METAP1: variants seen among roughly 807,000 people sequenced by gnomAD.
METAP1 encodes the protein methionyl aminopeptidase 1, also known as methionine aminopeptidase 1.
In METAP1, 28 loss-of-function variants were observed where a neutral mutation model predicts 53.8. The ratio of observed to expected loss-of-function variants is 0.52; its 90% confidence interval spans 0.39 to 0.71. The LOEUF (loss-of-function observed/expected upper bound fraction) is 0.71. METAP1 is among the 30% of genes least tolerant of loss of function. METAP1 has a pLI of 0.00. For missense variants in METAP1, 389 were observed against 479.8 expected, an observed-to-expected ratio of 0.81 and a Z score of 1.77; for synonymous variants, 181 against 165.7, an observed-to-expected ratio of 1.09 and a Z score of -0.71.
chr4:99,017,143 T>C (rs567183757), intron 1 of METAP1, among the ~76,000 whole-genome samples: 3 of 152,342 alleles, frequency 2.0e-5, no homozygotes, highest in Admixed American at 6.5e-5. Context: ...TCCAGGGACA[T>C]GTACAATAGC....
At chr4:99,014,836 A>G (rs1309733122) in intron 1 of METAP1, among the ~76,000 whole-genome samples, 2 of 152,206 alleles carry the variant, frequency 1.3e-5, no homozygotes, top group Admixed American at 6.5e-5. Context: ...GTTAGCTCTT[A>G]GAAGTGCCTT....
At chr4:99,012,663 T>TG (rs1013454378) in intron 1 of METAP1, among the ~76,000 whole-genome samples, 10 of 149,286 alleles carry the variant, frequency 6.7e-5, no homozygotes, top group African/African-American at 2.5e-4. Context: ...TTTTTTTTTT[T>TG]TTTTTTTTTT....
At chr4:99,059,782 A>G (rs1007679364) in intron 10 of METAP1, among the ~76,000 whole-genome samples, 2 of 151,164 alleles carry the variant, frequency 1.3e-5, no homozygotes, top group African/African-American at 4.9e-5. Flanking sequence ...TCCCAGATTC[A>G]CTGTCCCTTT....
intron 1 of METAP1, among the ~76,000 whole-genome samples, chr4:99,008,126 G>C (rs1185518781): frequency 6.6e-6 from 1 of 152,164 alleles, no homozygotes; most frequent in Non-Finnish European, 1.5e-5. Context: ...GCCTCATGAA[G>C]GAGTTAAGAA....
At chr4:98,999,087 G>A (rs138234031) in intron 1 of METAP1, among the ~76,000 whole-genome samples, 2 of 152,212 alleles carry the variant, frequency 1.3e-5, no homozygotes, top group East Asian at 3.9e-4. Context: ...GATTACAGGC[G>A]TGAGCCACCA....
At chr4:99,019,850 C>G (rs1489586572) in intron 1 of METAP1, among the ~76,000 whole-genome samples, 2 of 152,184 alleles carry the variant, frequency 1.3e-5, no homozygotes, top group Non-Finnish European at 2.9e-5. Flanking sequence ...CTGTCAGGAT[C>G]TAAATCAGCA....
At chr4:99,023,594 CAT>C in intron 1 of METAP1, 2 of 985,246 alleles carry the variant, frequency 2.0e-6, no homozygotes, top group Admixed American at 1.2e-4. Context: ...TAATAGGACA[CAT>C]TATGGGTGGT....
chr4:99,027,667 T>G (rs888593811), intron 1 of METAP1, among the ~76,000 whole-genome samples: 1 of 151,808 alleles, frequency 6.6e-6, no homozygotes, highest in Middle Eastern at 3.4e-3. Context: ...TAACCCAACC[T>G]CCCCAAAAGA....
At chr4:98,996,225 G>T (rs921278127) in intron 1 of METAP1, among the ~76,000 whole-genome samples, 1 of 152,196 alleles carries the variant, frequency 6.6e-6, no homozygotes. Flanking sequence ...CCGGAGGCAG[G>T]TAGCGGCGCC....
At chr4:99,046,158 A>G (rs1726216340) in intron 8 of METAP1, among the ~76,000 whole-genome samples, 1 of 152,174 alleles carries the variant, frequency 6.6e-6, no homozygotes, top group Non-Finnish European at 1.5e-5. Context: ...TCACTCCTGT[A>G]ATCCCAGCAC....
chr4:99,050,742 C>T (rs1245798289), intron 9 of METAP1, among the ~76,000 whole-genome samples: 9 of 152,090 alleles, frequency 5.9e-5, no homozygotes, highest in Admixed American at 2.0e-4. Context: ...CTAGGTTGCG[C>T]ACTCCGTATG....
chr4:99,007,965 G>A (rs527899873), intron 1 of METAP1, among the ~76,000 whole-genome samples: 1 of 152,148 alleles, frequency 6.6e-6, no homozygotes, highest in African/African-American at 2.4e-5. Context: ...GCTTCCTCCT[G>A]TAATGTCCTT....
chr4:99,052,576 A>C (rs562962364), intron 9 of METAP1, among the ~76,000 whole-genome samples: 7 of 152,206 alleles, frequency 4.6e-5, no homozygotes, highest in Admixed American at 6.5e-5. Context: ...TTCACTGTGC[A>C]GTACCAAGGG....
intron 4 of METAP1, among the ~76,000 whole-genome samples, chr4:99,037,162 A>C (rs546301922): frequency 6.6e-6 from 1 of 151,590 alleles, no homozygotes; most frequent in African/African-American, 2.4e-5. Context: ...TTTCCCTGTT[A>C]GAGTACTAGT....
chr4:99,040,660 T>A (rs1360873492), intron 5 of METAP1, among the ~76,000 whole-genome samples: 15 of 143,458 alleles, frequency 1.0e-4, no homozygotes, highest in Non-Finnish European at 4.6e-5. Context: ...CTGACTACTT[T>A]TTTTTTTTTT....
At chr4:99,053,626 C>G (rs1306531001) in intron 9 of METAP1, among the ~76,000 whole-genome samples, 5 of 152,158 alleles carry the variant, frequency 3.3e-5, no homozygotes, top group Non-Finnish European at 7.3e-5. Flanking sequence ...TGTCCAGATT[C>G]ATCAGAGGAA....
At chr4:99,026,985 A>C (rs1405751991) in intron 1 of METAP1, 1 of 389,554 alleles carries the variant, frequency 2.6e-6, no homozygotes, top group Non-Finnish European at 3.5e-6. Flanking sequence ...AATGAGAATA[A>C]TTCTATCAGC....
chr4:99,034,733 A>T (rs1017104626), intron 3 of METAP1, among the ~76,000 whole-genome samples: 23 of 152,308 alleles, frequency 1.5e-4, no homozygotes, highest in African/African-American at 5.5e-4. Context: ...CTTCCGTATC[A>T]CAGATTGTGC....
chr4:99,057,888 G>C (rs543139100), intron 10 of METAP1, 70 bp downstream of exon 10: 1 of 1,362,260 alleles, frequency 7.3e-7, no homozygotes, highest in African/African-American at 1.4e-5. Flanking sequence ...CATCATGTCA[G>C]TGGTCTTTTC....
Sources: gnomAD v4.1 joint callset for allele counts (sites outside exome capture counted in the v4.1 genomes callset) on GRCh38, gnomAD v4.1.1 for gene constraint, MANE v1.5 for transcripts, NCBI Gene and HGNC (gene_info 2026-07-23, HGNC 2026-07-21) for gene names.